The following SGCZ variants were observed in gnomAD, a reference collection of about 807,000 sequenced individuals.
The protein encoded by SGCZ is zeta-sarcoglycan.
Under a neutral mutation model 41.3 loss-of-function variants are expected in SGCZ, and 40 were observed. The ratio of observed to expected loss-of-function variants is 0.97; its 90% CI spans 0.75 to 1.26. SGCZ has a LOEUF of 1.26. Ranked by LOEUF, SGCZ falls within the 50% of genes most tolerant of loss-of-function variation. SGCZ has a pLI of 0.00. For missense variants in SGCZ, 552 were observed against 369.8 expected (o/e 1.49, Z -4.04); for synonymous variants, 206 against 137.5 (o/e 1.50, Z -3.49).
chr8:14,446,663 C>T (rs1027238864), intron 2 of SGCZ, among the ~76,000 whole-genome samples: 1 of 152,000 alleles, frequency 6.6e-6, no homozygotes, highest in Admixed American at 6.6e-5. Flanking sequence ...CTTAAAAATC[C>T]TGTATAAGGT....
chr8:14,596,176 G>C (rs939902089), intron 1 of SGCZ, among the ~76,000 whole-genome samples: 24 of 152,152 alleles, frequency 1.6e-4, no homozygotes, highest in Non-Finnish European at 2.5e-4. Flanking sequence ...CTTTCATTTT[G>C]AATGAATTGA....
chr8:14,847,089 G>GAAGAAGA (rs1211718552), intron 1 of SGCZ, among the ~76,000 whole-genome samples: 4 of 139,348 alleles, frequency 2.9e-5, no homozygotes, highest in East Asian at 2.2e-4. Context: ...CAAAATAGAA[G>GAAGAAGA]AAGAAGAAAG....
intron 1 of SGCZ, among the ~76,000 whole-genome samples, chr8:14,650,494 TCTCC>T (rs1019904033): frequency 4.6e-5 from 7 of 151,894 alleles, no homozygotes; most frequent in Non-Finnish European, 1.0e-4. Flanking sequence ...TTTCTGATCT[TCTCC>T]CTCCTCCCAC....
intron 1 of SGCZ, among the ~76,000 whole-genome samples, chr8:14,610,084 G>C (rs11203642): frequency 0.37 from 55,659 of 151,962 alleles, 10,425 homozygotes; most frequent in East Asian, 0.62. Context: ...CAATGACCTG[G>C]GCCCTGCTGG....
intron 1 of SGCZ, among the ~76,000 whole-genome samples, chr8:14,973,100 T>C (rs1801353830): frequency 1.3e-5 from 2 of 152,334 alleles, no homozygotes; most frequent in East Asian, 1.9e-4. Context: ...GGGATACAGT[T>C]CTTAAATAAT....
In SGCZ at chr8:14,369,605, A is replaced by G. The variant is rs1048516936; in HGVS notation, c.235-45401T>C. Among the ~76,000 whole-genome samples, 17 of 152,058 alleles carry G rather than the reference A, an allele frequency of 1.1e-4. No individual in the cohort carries two copies. In the South Asian group the frequency reaches 1.9e-3, roughly 17 times the overall value. ...TATTTTATGGAAAAGTCGTTTGGGAATATGAAAATACCCTGTTTCTCAACA... is the reference window on the plus strand; with the variant it reads ...TATTTTATGGAAAAGTCGTTTGGGAGTATGAAAATACCCTGTTTCTCAACA... On this transcript the variant is annotated intron_variant, in intron 2 of 7. Coordinates refer to ENST00000382080, the MANE Select transcript of SGCZ (RefSeq NM_139167.4).
At chr8:15,093,931 G>A (rs1322587422) in intron 1 of SGCZ, among the ~76,000 whole-genome samples, 3 of 152,084 alleles carry the variant, frequency 2.0e-5, no homozygotes, top group Admixed American at 6.5e-5. Flanking sequence ...GTTCTTCTAT[G>A]GGTCCTTGGG....
At chr8:15,213,859 C>T (rs866905275) in intron 1 of SGCZ, among the ~76,000 whole-genome samples, 27 of 151,876 alleles carry the variant, frequency 1.8e-4, no homozygotes, top group Non-Finnish European at 2.1e-4. Context: ...TCCCATAGGA[C>T]CATATTTCTC....
At chr8:14,486,863 C>T (rs1801690082) in intron 2 of SGCZ, among the ~76,000 whole-genome samples, 1 of 152,192 alleles carries the variant, frequency 6.6e-6, no homozygotes, top group Non-Finnish European at 1.5e-5. Context: ...AGGTGCAAAT[C>T]ATGTAAAGCC....
intron 1 of SGCZ, among the ~76,000 whole-genome samples, chr8:14,600,826 A>G (rs1805567927): frequency 6.6e-6 from 1 of 152,088 alleles, no homozygotes; most frequent in Non-Finnish European, 1.5e-5. Flanking sequence ...TGTACTTAAT[A>G]CAAATTAAAT....
intron 5 of SGCZ, among the ~76,000 whole-genome samples, chr8:14,109,803 C>G (rs890862346): frequency 6.6e-6 from 1 of 151,948 alleles, no homozygotes. Flanking sequence ...TTTTCAAAGA[C>G]TATATGATTT....
intron 1 of SGCZ, among the ~76,000 whole-genome samples, chr8:14,742,571 G>A (rs1799225858): frequency 6.6e-6 from 1 of 151,960 alleles, no homozygotes; most frequent in Non-Finnish European, 1.5e-5. Context: ...TATCTATTCA[G>A]TTTACTTGGA....
chr8:14,587,948 A>C (rs1187028676), intron 1 of SGCZ, among the ~76,000 whole-genome samples: 1 of 152,162 alleles, frequency 6.6e-6, no homozygotes, highest in Non-Finnish European at 1.5e-5. Flanking sequence ...ATTTTATAGA[A>C]TACTTCATGG....
intron 1 of SGCZ, among the ~76,000 whole-genome samples, chr8:14,834,583 T>C (rs1276173993): frequency 6.6e-6 from 1 of 152,164 alleles, no homozygotes; most frequent in Non-Finnish European, 1.5e-5. Flanking sequence ...ATGTTATTCC[T>C]AGCAGCAAGA....
At chr8:14,383,128 A>G (rs10092936) in intron 2 of SGCZ, among the ~76,000 whole-genome samples, 10,788 of 152,230 alleles carry the variant, frequency 0.071, 1,285 homozygotes, top group African/African-American at 0.24. Context: ...CACCAAATAC[A>G]AAGTCTGCAG....
At chr8:14,724,972 C>G (rs1585211298) in intron 1 of SGCZ, among the ~76,000 whole-genome samples, 1 of 152,056 alleles carries the variant, frequency 6.6e-6, no homozygotes, top group Non-Finnish European at 1.5e-5. Context: ...GTACCATTAA[C>G]CCCCACCAAC....
rs138057634 is a variant in SGCZ at position 14,890,140 on chromosome 8, G to A, written c.40-335214C>T. ...GCTGAGGCAGGTGAATCGCTTCAAC[G>A]TGGGAGGCGGAAGTTGCAGTGAGCA... On this transcript the variant is annotated intron_variant, in intron 1 of 7. Coordinates refer to ENST00000382080, the MANE Select transcript of SGCZ (RefSeq NM_139167.4). Among the ~76,000 whole-genome samples the A allele has an allele frequency of 6.5e-4, 99 of 151,894 alleles. No individual in the cohort carries two copies. The East Asian group carries it at 0.017, about 26-fold the overall frequency.
chr8:14,553,430 G>A (rs914755388), intron 2 of SGCZ, among the ~76,000 whole-genome samples: 2 of 152,016 alleles, frequency 1.3e-5, no homozygotes, highest in East Asian at 1.9e-4. Context: ...TTCTAACTCT[G>A]TGAAAATATT....
intron 1 of SGCZ, among the ~76,000 whole-genome samples, chr8:14,796,868 T>C (rs1801150105): frequency 6.6e-6 from 1 of 152,164 alleles, no homozygotes; most frequent in South Asian, 2.1e-4. Flanking sequence ...ACCCACAAGA[T>C]CTGATGGTTT....
Sources: allele counts gnomAD v4.1 joint callset (sites outside exome capture counted in the v4.1 genomes callset), GRCh38; gene constraint gnomAD v4.1.1; transcripts MANE v1.5; gene names NCBI Gene and HGNC (gene_info 2026-07-23, HGNC 2026-07-21).